Variants in UCKL1 observed in about 807,000 individuals in gnomAD.
UCKL1 encodes the protein uridine-cytidine kinase 1 like 1, also known as uridine-cytidine kinase-like 1.
UCKL1 carries 65 observed loss-of-function variants against 59.2 expected under a neutral mutation model. The ratio of observed to expected loss-of-function variants is 1.10; its 90% CI spans 0.90 to 1.35. UCKL1 has a LOEUF of 1.35. Ranked by LOEUF, UCKL1 falls within the 40% of genes most tolerant of loss-of-function variation. UCKL1 has a pLI of 0.00. For synonymous variants in UCKL1, 410 were observed against 323.1 expected (o/e 1.27, Z -2.88); for missense variants, 703 against 784.3 (o/e 0.90, Z 1.24).
rs1273446709 is a variant in UCKL1, at chr20:63,946,577, C to T, written c.180G>A (p.Arg60=). 6.8e-6 allele frequency: 11 copies of T among 1,611,620 alleles called. No homozygotes were observed. Among genetic ancestry groups the T allele is most frequent in the South Asian group, 3.3e-5 (3 of 91,030 alleles). Residue 60 remains arginine (R), a synonymous_variant, in exon 2 of 15, where the codon CGG becomes CGA. Coordinates refer to ENST00000354216, the MANE Select transcript of UCKL1 (RefSeq NM_017859.4). ...PVGTGRSPRK[R]TTSQCKSEPP... Reference sequence around the variant, plus strand: ...GCTCTGACTTGCACTGGCTGGTGGTCCGCTTCCGGGGAGAGCGCCCAGTGC... The same window carrying T: ...GCTCTGACTTGCACTGGCTGGTGGTTCGCTTCCGGGGAGAGCGCCCAGTGC...
intron 1 of UCKL1, chr20:63,948,561 G>C: frequency 7.3e-6 from 1 of 137,560 alleles, no homozygotes; most frequent in Non-Finnish European, 1.6e-5. Context: ...GGAGGGAGGC[G>C]TGTGTGAGAG....
chr20:63,949,750 G>A (rs1301034486), intron 1 of UCKL1, among the ~76,000 whole-genome samples: 1 of 152,230 alleles, frequency 6.6e-6, no homozygotes, highest in African/African-American at 2.4e-5. Flanking sequence ...ACCTCAGGGA[G>A]GAAGCCCCGA....
intron 1 of UCKL1, among the ~76,000 whole-genome samples, chr20:63,952,018 G>A (rs2057711325): frequency 6.6e-6 from 1 of 152,224 alleles, no homozygotes; most frequent in African/African-American, 2.4e-5. Flanking sequence ...CCACATGGAG[G>A]TCATACTCCT....
chr20:63,944,294 G>A lies in UCKL1; in HGVS notation c.906+103C>T. On this transcript the variant is annotated intron_variant, in intron 7 of 14. Transcript: ENST00000354216. ...GGGCTGGCACCTGGCAGGGGACAGT[G>A]AACGCAGGGGGATGAGGTGACCAGG... 5.9e-6 allele frequency: 7 copies of A among 1,178,712 alleles called. No homozygotes were observed. The South Asian group carries it at 1.0e-4, about 18-fold the overall frequency. The allele number at this position is 1,178,712 out of a possible 1,614,324, so 73.0% of individuals were successfully genotyped here.
chr20:63,949,911 G>C (rs550641513), intron 1 of UCKL1, among the ~76,000 whole-genome samples: 1 of 152,372 alleles, frequency 6.6e-6, no homozygotes, highest in Non-Finnish European at 1.5e-5. Flanking sequence ...CCAGACGGCA[G>C]AGGCCGGGCT....
intron 1 of UCKL1, among the ~76,000 whole-genome samples, chr20:63,949,666 A>G (rs1293417523): frequency 6.6e-6 from 1 of 152,216 alleles, no homozygotes; most frequent in Non-Finnish European, 1.5e-5. Context: ...CGTGGTGGGC[A>G]GAGAACAAAT....
intron 1 of UCKL1, chr20:63,951,236 G>A: frequency 1.0e-6 from 1 of 987,124 alleles, no homozygotes; most frequent in Non-Finnish European, 1.2e-6. Context: ...GCTTTGCCTG[G>A]TGTGGCCCTG....
chr20:63,943,724 G>A (rs1176525645), intron 7 of UCKL1, 55 bp from the exon 8 acceptor site: 8 of 1,610,904 alleles, frequency 5.0e-6, no homozygotes, highest in Non-Finnish European at 6.8e-6. Context: ...AGTGACCAGG[G>A]CAGGCGGCCA....
At chr20:63,942,445 C>T (rs2054845786) in intron 8 of UCKL1, 6 of 1,174,218 alleles carry the variant, frequency 5.1e-6, no homozygotes, top group South Asian at 1.6e-5. Context: ...GGTCACACAG[C>T]AGCACCACGG....
rs566227919 is a variant in UCKL1, at chr20:63,944,971, G to C, written c.655-237C>G. Among the ~76,000 whole-genome samples, 247 of 152,332 alleles carry C rather than the reference G, an allele frequency of 1.6e-3. 1 individual carries two copies. The highest frequency in any genetic ancestry group is 3.9e-3 in the South Asian group (19 of 4,824). ...CAGGTGGGAAGGAGTGGGGAGGTGG[G>C]GGTGTCTGGGGATGCGGTGCTGCCC... On this transcript the variant is annotated intron_variant, in intron 5 of 14. Transcript: ENST00000354216.
chr20:63,951,126 T>C, intron 1 of UCKL1: 1 of 1,110,276 alleles, frequency 9.0e-7, no homozygotes, highest in East Asian at 5.0e-5. Flanking sequence ...TCCACCGTAC[T>C]GAGGGAACAG....
Position 63,946,368 on chromosome 20 carries a change from G to A in UCKL1, c.304+85C>T, listed in dbSNP as rs570748354. On this transcript the variant is annotated intron_variant, in intron 2 of 14. Coordinates refer to ENST00000354216, the MANE Select transcript of UCKL1 (RefSeq NM_017859.4). The stretch of plus-strand genomic sequence containing the variant: ...CCGCTGCCGCTGCCTGCGGTTGCCC[G>A]GCTTCCTTCTCCTGCTCCACAGGCA... 381 of 1,526,890 alleles carry A rather than the reference G, an allele frequency of 2.5e-4. 1 individual carries two copies. Among genetic ancestry groups the A allele is most frequent in the Middle Eastern group, 7.4e-4 (4 of 5,426 alleles). The allele number at this position is 1,526,890 out of a possible 1,614,324, so 94.6% of individuals were successfully genotyped here.
chr20:63,949,439 G>C (rs116398566), intron 1 of UCKL1, among the ~76,000 whole-genome samples: 6 of 152,128 alleles, frequency 3.9e-5, no homozygotes, highest in Non-Finnish European at 8.8e-5. Flanking sequence ...GAAGGAAGAC[G>C]GGACCCAGCA....
At chr20:63,943,757 A>C in intron 7 of UCKL1, 88 bp from the exon 8 acceptor site, 1 of 1,595,022 alleles carries the variant, frequency 6.3e-7, no homozygotes, top group Non-Finnish European at 8.5e-7. Flanking sequence ...CCAGGAATGG[A>C]CATGCTGCAG....
chr20:63,951,143 C>A (rs1488548042), intron 1 of UCKL1: 3 of 1,077,586 alleles, frequency 2.8e-6, no homozygotes, highest in Non-Finnish European at 3.4e-6. Context: ...ACAGCACTCA[C>A]TGCCGTCCTC....
At position 63,940,137 on chromosome 20, in the gene UCKL1, C is replaced by T. The variant is rs773901791; in HGVS notation, c.1567+13G>A. On this transcript the variant is annotated intron_variant, in intron 14 of 14. Transcript: ENST00000354216. ...TGCCCTCATGTGCGGCTGAAGGGCC[C>T]GGGCAGCCTCACCAATGCCTGGGAT... The T allele has an allele frequency of 3.7e-6, 6 of 1,612,348 alleles. No individual in the cohort carries two copies. Among genetic ancestry groups the T allele is most frequent in the African/African-American group, 1.3e-5 (1 of 74,890 alleles).
At chr20:63,949,268 G>A (rs1038604858) in intron 1 of UCKL1, among the ~76,000 whole-genome samples, 5 of 152,146 alleles carry the variant, frequency 3.3e-5, no homozygotes, top group African/African-American at 4.8e-5. Context: ...AAGGCCAGGC[G>A]CCAAGACGAC....
In UCKL1 at chr20:63,944,330, T is replaced by G. The variant is rs545180951; in HGVS notation, c.906+67A>C. 4.0e-3 allele frequency: 5,707 copies of G among 1,427,494 alleles called. 15 individuals are homozygous for G. The highest frequency in any genetic ancestry group is 5.0e-3 in the Non-Finnish European group (5,250 of 1,052,466). 88.4% of individuals were successfully genotyped at this position (1,427,494 alleles called of 1,614,324 possible). On this transcript the variant is annotated intron_variant, in intron 7 of 14. Transcript: ENST00000354216. ...GATGAGGTGACCAGGCCACTGGGGG[T>G]GGTGGCAGCGGAGAAGTGGGTAGAG...
chr20:63,946,034 C>A, intron 3 of UCKL1, 59 bp from the exon 4 acceptor site: 1 of 1,610,724 alleles, frequency 6.2e-7, no homozygotes, highest in South Asian at 1.1e-5. Flanking sequence ...CCAATGCCAG[C>A]GGACAGGGGC....
Sources: gnomAD v4.1 joint callset for allele counts (sites outside exome capture counted in the v4.1 genomes callset) on GRCh38, gnomAD v4.1.1 for gene constraint, MANE v1.5 for transcripts, NCBI Gene and HGNC (gene_info 2026-07-23, HGNC 2026-07-21) for gene names.